The following CNTNAP5 variants were observed in gnomAD, a reference collection of about 807,000 sequenced individuals.
CNTNAP5 encodes the protein contactin associated protein family member 5.
Under a neutral mutation model 150.2 loss-of-function variants are expected in CNTNAP5, and 72 were observed. That is an observed-to-expected ratio of 0.48 (90% CI 0.40 to 0.58). The LOEUF is 0.58. CNTNAP5 is among the 20% of genes least tolerant of loss of function. The pLI is 0.00. For missense variants in CNTNAP5, 1,636 were observed against 1,626.2 expected (o/e 1.01, Z -0.10); for synonymous variants, 672 against 619.8 (o/e 1.08, Z -1.25).
rs1302749669 is a variant in CNTNAP5, at chr2:124,826,872, C to T, written c.3217+28552C>T. On this transcript the variant is annotated intron_variant, in intron 19 of 23. Coordinates refer to ENST00000682447, the MANE Select transcript of CNTNAP5 (RefSeq NM_001367498.1). Reference sequence around the variant, plus strand: ...GTTTGATTGCATCTGTGATGAGCCCCAGAAAGGCTGGTTGTCAATAAGTAA... The same window carrying T: ...GTTTGATTGCATCTGTGATGAGCCCTAGAAAGGCTGGTTGTCAATAAGTAA... Among the ~76,000 whole-genome samples, 6 of 152,246 alleles carry T rather than the reference C, an allele frequency of 3.9e-5. No individual in the cohort carries two copies. In the East Asian group the frequency reaches 1.2e-3, roughly 30 times the overall value.
chr2:124,794,482 A>T (rs1314498665), intron 18 of CNTNAP5, among the ~76,000 whole-genome samples: 1 of 152,226 alleles, frequency 6.6e-6, no homozygotes, highest in African/African-American at 2.4e-5. Context: ...TTTTGGTGTA[A>T]ATAATGCTAC....
intron 1 of CNTNAP5, among the ~76,000 whole-genome samples, chr2:124,171,250 G>T (rs577574542): frequency 2.0e-5 from 3 of 152,188 alleles, no homozygotes; most frequent in African/African-American, 7.2e-5. Context: ...AAGCTGCTTC[G>T]TGTCCTTCAG....
intron 11 of CNTNAP5, among the ~76,000 whole-genome samples, chr2:124,569,167 G>A (rs1696096795): frequency 6.6e-6 from 1 of 152,198 alleles, no homozygotes; most frequent in Non-Finnish European, 1.5e-5. Flanking sequence ...TAAGAATCTT[G>A]ATTCATATTT....
At chr2:124,257,376 T>G (rs986304261) in intron 3 of CNTNAP5, among the ~76,000 whole-genome samples, 1 of 152,196 alleles carries the variant, frequency 6.6e-6, no homozygotes, top group African/African-American at 2.4e-5. Flanking sequence ...TTTGTATTCC[T>G]CCAGGGCACC....
chr2:124,544,206 A>G (rs1695457830), intron 10 of CNTNAP5, among the ~76,000 whole-genome samples: 1 of 152,186 alleles, frequency 6.6e-6, no homozygotes, highest in African/African-American at 2.4e-5. Flanking sequence ...GAGAGTATCC[A>G]TGCAAGGCTA....
chr2:124,739,907 AGCTGTG>A (rs577584301), intron 13 of CNTNAP5, among the ~76,000 whole-genome samples: 38,394 of 151,904 alleles, frequency 0.25, 5,509 homozygotes, highest in Non-Finnish European at 0.34. Flanking sequence ...CATTACTCTT[AGCTGTG>A]TGCGGGACCT....
intron 7 of CNTNAP5, among the ~76,000 whole-genome samples, chr2:124,495,768 C>T (rs1164234103): frequency 1.3e-5 from 2 of 152,178 alleles, no homozygotes; most frequent in African/African-American, 4.8e-5. Context: ...CTTTTCAGTA[C>T]TTGTCCTTTC....
intron 1 of CNTNAP5, among the ~76,000 whole-genome samples, chr2:124,061,255 T>C (rs185513005): frequency 3.3e-4 from 50 of 152,328 alleles, no homozygotes; most frequent in Non-Finnish European, 6.0e-4. Context: ...AGCTTAACTA[T>C]TGTCTTTAAT....
intron 3 of CNTNAP5, among the ~76,000 whole-genome samples, chr2:124,334,892 T>A (rs1461747216): frequency 6.6e-6 from 1 of 152,058 alleles, no homozygotes; most frequent in Non-Finnish European, 1.5e-5. Flanking sequence ...AATTAGGATC[T>A]CCGATGGTAC....
chr2:124,830,147 T>G, intron 19 of CNTNAP5, among the ~76,000 whole-genome samples: 1 of 151,926 alleles, frequency 6.6e-6, no homozygotes, highest in East Asian at 1.9e-4. Context: ...CTAATAAGTC[T>G]AATATTTTAA....
At position 124,446,829 on chromosome 2, in the gene CNTNAP5, C is replaced by T; in HGVS notation, c.810C>T (p.His270=). 1 of 1,613,948 alleles carries T rather than the reference C, an allele frequency of 6.2e-7. No individual in the cohort carries two copies. The highest frequency in any genetic ancestry group is 8.5e-7 in the Non-Finnish European group (1 of 1,179,860). The part of the protein sequence containing the change: ...LGSLLDDQHW[H]SVLIERVGKQ... ...GCCTCCTGGATGACCAGCACTGGCA[C>T]TCGGTCCTCATTGAGCGGGTGGGCA... The change falls in exon 6 of 24, where the codon CAC becomes CAT. Residue 270 remains histidine (H), a synonymous_variant. Transcript: ENST00000682447.
chr2:124,468,364 C>T (rs79704850), intron 6 of CNTNAP5, among the ~76,000 whole-genome samples: 19,932 of 152,068 alleles, frequency 0.13, 1,654 homozygotes, highest in Non-Finnish European at 0.19. Context: ...CCCTGGCAAA[C>T]CACTGGTGTA....
chr2:124,164,664 G>A (rs1166034499), intron 1 of CNTNAP5, among the ~76,000 whole-genome samples: 2 of 152,158 alleles, frequency 1.3e-5, no homozygotes, highest in African/African-American at 2.4e-5. Flanking sequence ...AAATACGGAA[G>A]AGAAAGGCAG....
At chr2:124,177,497 A>C (rs1051689699) in intron 1 of CNTNAP5, among the ~76,000 whole-genome samples, 1 of 152,104 alleles carries the variant, frequency 6.6e-6, no homozygotes, top group Non-Finnish European at 1.5e-5. Context: ...TGTATCTGAA[A>C]CGTTATATAT....
At chr2:124,694,465 G>C (rs900202539) in intron 13 of CNTNAP5, among the ~76,000 whole-genome samples, 1 of 152,074 alleles carries the variant, frequency 6.6e-6, no homozygotes, top group African/African-American at 2.4e-5. Flanking sequence ...AACATAGTCT[G>C]AAATGATCTT....
At chr2:124,225,586 C>T (rs570625447) in intron 2 of CNTNAP5, among the ~76,000 whole-genome samples, 6 of 152,274 alleles carry the variant, frequency 3.9e-5, no homozygotes, top group Non-Finnish European at 7.4e-5. Flanking sequence ...ATCAAATTAG[C>T]TAACACATCC....
At chr2:124,042,623 GT>G in intron 1 of CNTNAP5, among the ~76,000 whole-genome samples, 1 of 152,116 alleles carries the variant, frequency 6.6e-6, no homozygotes, top group East Asian at 1.9e-4. Context: ...TTTAAGGTTG[GT>G]TTAAATTTCT....
chr2:124,392,687 CAAAAA>C (rs35107442), intron 3 of CNTNAP5, among the ~76,000 whole-genome samples: 4,826 of 68,952 alleles, frequency 0.07, 61 homozygotes, highest in Middle Eastern at 0.11. Context: ...TTTTCTTTGC[CAAAAA>C]AAAAAAAAAA....
rs569348309 is a variant in CNTNAP5 at position 124,308,025 on chromosome 2, G to C, written c.381+65632G>C. Among the ~76,000 whole-genome samples, 24 of 152,256 alleles carry C rather than the reference G, an allele frequency of 1.6e-4. 3 individuals are homozygous for C. Among genetic ancestry groups the C allele is most frequent in the African/African-American group, 5.5e-4 (23 of 41,548 alleles). On this transcript the variant is annotated intron_variant, in intron 3 of 23. Transcript: ENST00000682447. ...TGAGTGCCAGGTACTCTGTGGTTCA[G>C]GGTGTGGGGAGAGATTTGAGATCCT...
Sources: gnomAD v4.1 joint callset for allele counts (sites outside exome capture counted in the v4.1 genomes callset) on GRCh38, gnomAD v4.1.1 for gene constraint, MANE v1.5 for transcripts, NCBI Gene and HGNC (gene_info 2026-07-23, HGNC 2026-07-21) for gene names.